MTERF4: variants seen among roughly 807,000 people sequenced by gnomAD.
MTERF4 encodes transcription termination factor 4, mitochondrial.
Under a neutral mutation model 22.5 loss-of-function variants are expected in MTERF4, and 17 were observed. The observed-to-expected ratio is 0.75, with a 90% CI of 0.52 to 1.13. MTERF4 has a LOEUF of 1.13. Ranked by LOEUF, MTERF4 falls within the 50% of genes most tolerant of loss-of-function variation. The pLI is 0.00. For synonymous variants in MTERF4, 165 were observed against 175.3 expected (o/e 0.94, Z 0.47); for missense variants, 420 against 466.8 (o/e 0.90, Z 0.92).
chr2:241,065,613 T>C, the MTERF4 span: 3 of 1,605,948 alleles, frequency 1.9e-6, no homozygotes, highest in South Asian at 3.3e-5. Context: ...TCCCCGAGCC[T>C]GGCCGTCCCT....
downstream of MTERF4, chr2:241,068,856 G>T: frequency 1.6e-6 from 2 of 1,281,270 alleles, no homozygotes; most frequent in South Asian, 2.7e-5. This position sits in a 1 kb window ranked among gnomAD's most constrained non-coding sequence, Gnocchi z 5.3. Context: ...TGGCAGCAGA[G>T]TCACACACAG....
the MTERF4 span, chr2:241,053,166 C>A: frequency 1.2e-6 from 2 of 1,609,920 alleles, no homozygotes; most frequent in Non-Finnish European, 1.7e-6. Flanking sequence ...TGGACTGCGG[C>A]CCCCCGGAGG....
At chr2:241,065,408 C>A in the MTERF4 span, 2 of 1,613,160 alleles carry the variant, frequency 1.2e-6, no homozygotes, top group East Asian at 2.2e-5. Flanking sequence ...TTGATGGCTA[C>A]GCGGTCACCT....
In MTERF4 at chr2:241,075,137, C is replaced by G. The variant is rs934820757; in HGVS notation, n.1025G>C. The G allele has an allele frequency of 6.6e-6, 1 of 152,134 alleles. No individual in the cohort carries two copies. Among genetic ancestry groups the G allele is most frequent in the African/African-American group, 2.4e-5 (1 of 41,412 alleles). The allele number at this position is 152,134 out of a possible 1,614,324, so 9.4% of individuals were successfully genotyped here. On this transcript the variant is annotated non_coding_transcript_exon_variant, in exon 5 of 5. Coordinates refer to the MTERF4 transcript ENST00000464344. The surrounding 1 kb of genome is among the most constrained non-coding windows in gnomAD (Gnocchi z 4.8). ...CACAGAGTCCACTGAGTGAACTGAC[C>G]GGCTCTTCTCCCCTCTCTGTGCAGA... is the stretch of plus-strand genomic sequence containing the variant.
At chr2:241,088,158 T>C, downstream of MTERF4, 1 of 568,016 alleles carries the variant, frequency 1.8e-6, no homozygotes. Context: ...AGCCTTGTCA[T>C]TCCTAAACTA....
At chr2:241,052,093 C>A in the MTERF4 span, 1 of 1,613,926 alleles carries the variant, frequency 6.2e-7, no homozygotes, top group Non-Finnish European at 8.5e-7. Flanking sequence ...GCACCTGCTT[C>A]CACTACATTG....
At chr2:241,069,787 T>C, downstream of MTERF4, 3 of 1,049,436 alleles carry the variant, frequency 2.9e-6, no homozygotes, top group Non-Finnish European at 2.7e-6. The surrounding 1 kb of genome is among the most constrained non-coding windows in gnomAD (Gnocchi z 4.9). Flanking sequence ...GCCTCGGCAC[T>C]GTACCATTCT....
chr2:241,074,602 G>A (rs1450405301), exon 5 of MTERF4: 1 of 152,168 alleles, frequency 6.6e-6, no homozygotes, highest in Non-Finnish European at 1.5e-5. Context: ...TGGCCCTGAG[G>A]TCACCACGGT....
chr2:241,082,603 C>T (rs779930703), downstream of MTERF4, among the ~76,000 whole-genome samples: 5 of 152,212 alleles, frequency 3.3e-5, no homozygotes, highest in South Asian at 4.1e-4. Context: ...AACGCAGGCT[C>T]CTGGTCCCCA....
intron 4 of MTERF4, among the ~76,000 whole-genome samples, chr2:241,079,367 G>C (rs1248103338): frequency 2.0e-5 from 3 of 147,856 alleles, no homozygotes; most frequent in African/African-American, 7.6e-5. Context: ...AGCCAAGATC[G>C]CCCCACTGCA....
chr2:241,053,101 G>A, the MTERF4 span: 1 of 1,549,624 alleles, frequency 6.5e-7, no homozygotes, highest in Non-Finnish European at 8.7e-7. Context: ...GGGCGGTGGG[G>A]AGGGGCCAGG....
At chr2:241,057,434 A>G in the MTERF4 span, among the ~76,000 whole-genome samples, 2 of 145,086 alleles carry the variant, frequency 1.4e-5, no homozygotes, top group Non-Finnish European at 3.0e-5. Context: ...TGGCTCACAC[A>G]TATAATGGGA....
At chr2:241,054,474 C>T in the MTERF4 span, among the ~76,000 whole-genome samples, 1 of 152,122 alleles carries the variant, frequency 6.6e-6, no homozygotes, top group East Asian at 1.9e-4. Context: ...GAGACTGAGG[C>T]AGGAGATCAC....
At chr2:241,090,528 A>G, downstream of MTERF4, 4 of 1,431,450 alleles carry the variant, frequency 2.8e-6, no homozygotes, top group Admixed American at 4.5e-5. Context: ...TGTACTCTAC[A>G]TAATTGTATG....
intron 4 of MTERF4, among the ~76,000 whole-genome samples, chr2:241,079,103 G>A: frequency 9.5e-6 from 1 of 105,524 alleles, no homozygotes; most frequent in Non-Finnish European, 1.8e-5. Context: ...GACAGGGTAA[G>A]ACTCCATCTC....
chr2:241,078,906 G>A (rs1397291432), intron 4 of MTERF4, among the ~76,000 whole-genome samples: 1 of 151,722 alleles, frequency 6.6e-6, no homozygotes, highest in Admixed American at 6.6e-5. Context: ...TTGAGGTCAG[G>A]AGTTCGAGAC....
At chr2:241,090,597 A>C (rs1490442238), downstream of MTERF4, 3 of 975,212 alleles carry the variant, frequency 3.1e-6, no homozygotes, top group African/African-American at 4.9e-5. Flanking sequence ...CATCACCACA[A>C]ACACAAAAAG....
the MTERF4 span, among the ~76,000 whole-genome samples, chr2:241,058,428 A>T: frequency 6.6e-6 from 1 of 152,184 alleles, no homozygotes. Flanking sequence ...AGGAAAGAGG[A>T]ATAAAGGTAA....
chr2:241,065,954 T>TG, the MTERF4 span, among the ~76,000 whole-genome samples: 345 of 58,284 alleles, frequency 5.9e-3, 1 homozygote, highest in African/African-American at 0.021. Flanking sequence ...GGGGTGGGCT[T>TG]GGGGGGGCTG....
Sources: gnomAD v4.1 joint callset for allele counts (sites outside exome capture counted in the v4.1 genomes callset) on GRCh38, gnomAD v4.1.1 for gene constraint, Gnocchi (gnomAD v3.1) non-coding constraint, MANE v1.5 for transcripts, NCBI Gene and HGNC (gene_info 2026-07-23, HGNC 2026-07-21) for gene names.